Variants in ZFHX3 observed in about 807,000 individuals in gnomAD.
The protein encoded by ZFHX3 is zinc finger homeobox protein 3.
In ZFHX3, 42 loss-of-function variants were observed where a neutral mutation model predicts 279.1. The ratio of observed to expected loss-of-function variants is 0.15; its 90% CI spans 0.12 to 0.19. ZFHX3 has a LOEUF of 0.19. Ranked by LOEUF, ZFHX3 falls within the 10% of genes least tolerant of loss-of-function variation. The pLI is 1.00. For missense variants in ZFHX3, 4,981 were observed against 4,754.0 expected, an observed-to-expected ratio of 1.05 and a Z score of -1.40; for synonymous variants, 2,293 against 1,957.8, an observed-to-expected ratio of 1.17 and a Z score of -4.52.
chr16:73,787,348 C>G (rs1959678528), intron 1 of ZFHX3, among the ~76,000 whole-genome samples: 1 of 152,162 alleles, frequency 6.6e-6, no homozygotes, highest in South Asian at 2.1e-4. Context: ...AAAATGCACT[C>G]AGGAATCTGT....
At chr16:73,621,939 G>C (rs1367869715) in intron 2 of ZFHX3, among the ~76,000 whole-genome samples, 1 of 152,160 alleles carries the variant, frequency 6.6e-6, no homozygotes, top group Non-Finnish European at 1.5e-5. Context: ...AATTCTAATG[G>C]AGGAGAATTC....
At chr16:73,241,222 C>T (rs751846428) in intron 5 of ZFHX3, among the ~76,000 whole-genome samples, 1 of 152,188 alleles carries the variant, frequency 6.6e-6, no homozygotes. Context: ...GAAAAGTATT[C>T]TTTTGAGCTA....
intron 5 of ZFHX3, among the ~76,000 whole-genome samples, chr16:73,234,191 G>A (rs943917803): frequency 6.6e-6 from 1 of 152,168 alleles, no homozygotes. Context: ...TGCAGAGAAT[G>A]TTCAATGCTG....
chr16:73,072,678 C>T (rs1965839465), intron 8 of ZFHX3, among the ~76,000 whole-genome samples: 1 of 152,156 alleles, frequency 6.6e-6, no homozygotes, highest in South Asian at 2.1e-4. Flanking sequence ...AGTCCTCCCA[C>T]TTCAGCCTCC....
intron 7 of ZFHX3, chr16:73,094,685 C>G (rs554006497): frequency 1.3e-5 from 2 of 152,166 alleles, no homozygotes; most frequent in South Asian, 4.2e-4. Flanking sequence ...GCTCCTTCCT[C>G]CTGTGAAGTG....
chr16:73,674,693 G>A (rs2052936462), intron 2 of ZFHX3, among the ~76,000 whole-genome samples: 1 of 152,092 alleles, frequency 6.6e-6, no homozygotes, highest in African/African-American at 2.4e-5. Context: ...TTTAACTAAT[G>A]GAATCTAAGC....
chr16:73,501,405 A>T (rs1412151441), intron 2 of ZFHX3, among the ~76,000 whole-genome samples: 1 of 152,236 alleles, frequency 6.6e-6, no homozygotes, highest in African/African-American at 2.4e-5. Flanking sequence ...TTTTAGAAGA[A>T]AAGCTACCCC....
At chr16:73,174,077 T>C (rs1967602163) in intron 5 of ZFHX3, among the ~76,000 whole-genome samples, 2 of 152,340 alleles carry the variant, frequency 1.3e-5, no homozygotes, top group South Asian at 2.1e-4. Context: ...GCAGAGTTAA[T>C]GACCGGCTTG....
At chr16:72,891,606 G>A (rs753624202) in intron 3 of ZFHX3, among the ~76,000 whole-genome samples, 23 of 152,190 alleles carry the variant, frequency 1.5e-4, no homozygotes, top group Non-Finnish European at 2.9e-4. Flanking sequence ...CTCCCCAAAA[G>A]CTTAAATGAC....
intron 7 of ZFHX3, among the ~76,000 whole-genome samples, chr16:73,096,134 A>C (rs1014486549): frequency 2.6e-5 from 4 of 152,162 alleles, no homozygotes; most frequent in Admixed American, 2.6e-4. Flanking sequence ...ATGTGATTAC[A>C]GTCCCCCAGG....
At chr16:73,290,015 CCA>C (rs10564390) in intron 4 of ZFHX3, among the ~76,000 whole-genome samples, 3,013 of 144,382 alleles carry the variant, frequency 0.021, 51 homozygotes, top group African/African-American at 0.04. Context: ...AGAGAAATAA[CCA>C]CACACACACA....
intron 1 of ZFHX3, among the ~76,000 whole-genome samples, chr16:73,880,542 A>G (rs1210481105): frequency 2.0e-5 from 3 of 152,142 alleles, no homozygotes; most frequent in Non-Finnish European, 4.4e-5. Context: ...GAGTCTGGGG[A>G]GACACAGGCC....
chr16:73,033,542 G>T (rs939938167), intron 1 of ZFHX3, among the ~76,000 whole-genome samples: 1 of 152,074 alleles, frequency 6.6e-6, no homozygotes, highest in Non-Finnish European at 1.5e-5. Flanking sequence ...GGGTGGGGGG[G>T]GACTGGCACT....
upstream of ZFHX3, among the ~76,000 whole-genome samples, chr16:73,052,744 T>C (rs946175217): frequency 2.6e-5 from 4 of 152,152 alleles, no homozygotes; most frequent in African/African-American, 7.2e-5. Flanking sequence ...GTTAAAAAAA[T>C]AGGACAAATG....
chr16:73,109,282 T>C (rs1966342004), intron 7 of ZFHX3, among the ~76,000 whole-genome samples: 2 of 152,232 alleles, frequency 1.3e-5, no homozygotes, highest in Admixed American at 1.3e-4. Flanking sequence ...AACATTTTGT[T>C]CTGTAAATTG....
At chr16:73,506,023 C>T (rs1157526072) in intron 2 of ZFHX3, among the ~76,000 whole-genome samples, 2 of 152,156 alleles carry the variant, frequency 1.3e-5, no homozygotes, top group African/African-American at 4.8e-5. Flanking sequence ...CACACGACAG[C>T]GGAAGGTGGG....
intron 1 of ZFHX3, among the ~76,000 whole-genome samples, chr16:73,053,919 T>G (rs1332978779): frequency 2.0e-5 from 3 of 152,084 alleles, no homozygotes; most frequent in Admixed American, 6.5e-5. Context: ...AAACCTTTTG[T>G]GTACACAAGA....
chr16:73,641,009 G>A (rs532839327), intron 2 of ZFHX3, among the ~76,000 whole-genome samples: 8 of 152,276 alleles, frequency 5.3e-5, no homozygotes, highest in African/African-American at 1.4e-4. Flanking sequence ...TCTCAGCAGC[G>A]GCACTGGAAG....
intron 2 of ZFHX3, among the ~76,000 whole-genome samples, chr16:73,548,936 T>G (rs898877584): frequency 1.3e-5 from 2 of 152,108 alleles, no homozygotes; most frequent in African/African-American, 4.8e-5. Flanking sequence ...AAAATATGAG[T>G]GGAGACGGCT....
Sources: allele counts gnomAD v4.1 joint callset (sites outside exome capture counted in the v4.1 genomes callset), GRCh38; gene constraint gnomAD v4.1.1; transcripts MANE v1.5; gene names NCBI Gene and HGNC (gene_info 2026-07-23, HGNC 2026-07-21).